NDUFAF3: variants seen among roughly 807,000 people sequenced by gnomAD.
NDUFAF3 encodes NADH dehydrogenase [ubiquinone] 1 alpha subcomplex assembly factor 3.
Under a neutral mutation model 22.6 loss-of-function variants are expected in NDUFAF3, and 21 were observed. The ratio of observed to expected loss-of-function variants is 0.93; its 90% CI spans 0.66 to 1.34. NDUFAF3 has a LOEUF of 1.34. NDUFAF3 is among the 40% of genes most tolerant of loss of function. NDUFAF3 has a pLI of 0.00. For synonymous variants in NDUFAF3, 113 were observed against 104.9 expected (o/e 1.08, Z -0.47); for missense variants, 251 against 248.4 (o/e 1.01, Z -0.07).
chr3:49,021,981 C>A, upstream of NDUFAF3: 2 of 698,586 alleles, frequency 2.9e-6, no homozygotes, highest in South Asian at 1.8e-5. The surrounding 1 kb of genome is among the most constrained non-coding windows in gnomAD (Gnocchi z 4.1). Context: ...TCGGGGAACT[C>A]GGCCTCCTAA....
chr3:49,022,511 G>C lies in NDUFAF3; in HGVS notation c.243G>C (p.Leu81=), dbSNP rs769729199. The change falls in exon 2 of 5, where the codon CTG becomes CTC. Residue 81 remains leucine, a synonymous_variant. Coordinates refer to ENST00000326925, the MANE Select transcript of NDUFAF3 (RefSeq NM_199069.2). This position sits in a 1 kb window ranked among gnomAD's most constrained non-coding sequence, Gnocchi z 6.6. ...ACCGCGTGCTCGGCCCCTGCGCTCT[G>C]CTCCCGCACTCGGTGGTGCAGTGGA... ...NGNRVLGPCA[L]LPHSVVQWNV... is the part of the protein sequence containing the mutation. The C allele has an allele frequency of 1.2e-6, 2 of 1,613,220 alleles. No individual in the cohort carries two copies. The highest frequency in any genetic ancestry group is 1.1e-5 in the South Asian group (1 of 91,072).
chr3:49,022,331 C>T lies in NDUFAF3; in HGVS notation c.78-15C>T, dbSNP rs587781096. 3 of 1,610,700 alleles carry T rather than the reference C, an allele frequency of 1.9e-6. No homozygotes were observed. Among genetic ancestry groups the T allele is most frequent in the Non-Finnish European group, 2.5e-6 (3 of 1,179,698 alleles). ...CCCGGCCCGGCCCCGCGCCCCTGAC[C>T]CTTTCCCTCCGCAGGGCCCCGCGGC... On this transcript the variant is annotated splice_polypyrimidine_tract_variant and intron_variant, in intron 1 of 4. Transcript: ENST00000326925. The surrounding 1 kb of genome is among the most constrained non-coding windows in gnomAD (Gnocchi z 6.6).
chr3:49,022,070 G>A, upstream of NDUFAF3: 1 of 1,488,778 alleles, frequency 6.7e-7, no homozygotes, highest in East Asian at 2.5e-5. The surrounding 1 kb of genome is among the most constrained non-coding windows in gnomAD (Gnocchi z 6.6). Context: ...AGCCACGCTG[G>A]GTCAGGCTCC....
At chr3:49,020,724 G>T (rs551359883), upstream of NDUFAF3, 3 of 476,094 alleles carry the variant, frequency 6.3e-6, no homozygotes, top group East Asian at 6.5e-5. Context: ...CGGGGGGCGG[G>T]GGAGCTCCTG....
At position 49,023,211 on chromosome 3, in the gene NDUFAF3, C is replaced by T; in HGVS notation, c.*39C>T. The T allele has an allele frequency of 2.8e-6, 4 of 1,435,266 alleles. No individual in the cohort carries two copies. Among genetic ancestry groups the T allele is most frequent in the East Asian group, 2.3e-5 (1 of 43,994 alleles). The allele number at this position is 1,435,266 out of a possible 1,614,324, so 88.9% of individuals were successfully genotyped here. A position where few individuals can be genotyped will look rare whatever the true frequency, so the allele number is the denominator to read the frequency against. The stretch of plus-strand genomic sequence containing the variant: ...GACCTGCTGACTGCACTCTGCCAGG[C>T]TTCCCAATGCTTTCACTCTTATCTA... On this transcript the variant is annotated 3_prime_UTR_variant, in exon 5 of 5. Coordinates refer to ENST00000326925, the MANE Select transcript of NDUFAF3 (RefSeq NM_199069.2).
Position 49,022,539 on chromosome 3 carries a change from G to A in NDUFAF3, c.270+1G>A. On this transcript the variant is annotated splice_donor_variant, in intron 2 of 4. Coordinates refer to ENST00000326925, the MANE Select transcript of NDUFAF3 (RefSeq NM_199069.2). LOFTEE classifies it high-confidence loss of function. This position sits in a 1 kb window ranked among gnomAD's most constrained non-coding sequence, Gnocchi z 6.6. The stretch of plus-strand genomic sequence containing the variant: ...CCCGCACTCGGTGGTGCAGTGGAAC[G>A]TGAGTCCTGGCCCGCAGTGTGGAAA... The A allele has an allele frequency of 6.2e-7, 1 of 1,613,318 alleles. No homozygotes were observed. Among genetic ancestry groups the A allele is most frequent in the Non-Finnish European group, 8.5e-7 (1 of 1,179,934 alleles).
Position 49,023,160 on chromosome 3 carries a change from A to G in NDUFAF3, c.543A>G (p.Gln181=). 5 of 1,613,768 alleles carry G rather than the reference A, an allele frequency of 3.1e-6. No homozygotes were observed. The highest frequency in any genetic ancestry group is 1.1e-5 in the South Asian group (1 of 91,070). ...PGGTSLTSLG[Q]AAQ ...GGACTTCACTTACATCTTTGGGCCA[A>G]GCTGCTCAATGAACCGCCAGGAACT... The change falls in exon 5 of 5, where the codon CAA becomes CAG. Residue 181 remains glutamine (Q), a synonymous_variant. Transcript: ENST00000326925.
rs778054978 is a variant in NDUFAF3, at chr3:49,023,147, C to A, written c.530C>A (p.Thr177Lys). 6.2e-7 allele frequency: 1 copy of A among 1,613,964 alleles called. No homozygotes were observed. The highest frequency in any genetic ancestry group is 8.5e-7 in the Non-Finnish European group (1 of 1,180,024). The part of the protein sequence containing the change: ...LIPPPGGTSL[T>K]SLGQAAQ ...CCTCCACCAGGAGGGACTTCACTTA[C>A]ATCTTTGGGCCAAGCTGCTCAATGA... is the stretch of plus-strand genomic sequence containing the variant. Residue 177 changes from threonine to lysine, a missense_variant, in exon 5 of 5, where the codon ACA becomes AAA. Coordinates refer to ENST00000326925, the MANE Select transcript of NDUFAF3 (RefSeq NM_199069.2).
Position 49,022,998 on chromosome 3 carries a change from T to C in NDUFAF3, c.438+22T>C. On this transcript the variant is annotated intron_variant, in intron 4 of 4. Transcript: ENST00000326925. This position sits in a 1 kb window ranked among gnomAD's most constrained non-coding sequence, Gnocchi z 6.6. ...CACGGTGAGTCCCGGGACTGGGGCA[T>C]GCTGCGGGGAGCACAGGCCTGGCGC... The C allele has an allele frequency of 6.2e-7, 1 of 1,614,006 alleles. No individual in the cohort carries two copies. Among genetic ancestry groups the C allele is most frequent in the Non-Finnish European group, 8.5e-7 (1 of 1,179,908 alleles).
At position 49,022,820 on chromosome 3, in the gene NDUFAF3, C is replaced by T. The variant is rs779044442; in HGVS notation, c.337+52C>T. The T allele has an allele frequency of 2.6e-5, 42 of 1,613,080 alleles. No homozygotes were observed. The highest frequency in any genetic ancestry group is 5.9e-6 in the Non-Finnish European group (7 of 1,179,586). On this transcript the variant is annotated intron_variant, in intron 3 of 4. Transcript: ENST00000326925. This position sits in a 1 kb window ranked among gnomAD's most constrained non-coding sequence, Gnocchi z 6.6. ...AGGTGTTCTGGGCCCCAGAAGGCGA[C>T]CCCCACTGCAGCCTCTCAACAGAAC... is the stretch of plus-strand genomic sequence containing the variant.
At position 49,022,753 on chromosome 3, in the gene NDUFAF3, C is replaced by T. The variant is rs1320832796; in HGVS notation, c.322C>T (p.Leu108=). The T allele has an allele frequency of 6.2e-7, 1 of 1,614,072 alleles. No individual in the cohort carries two copies. Among genetic ancestry groups the T allele is most frequent in the Non-Finnish European group, 8.5e-7 (1 of 1,180,038 alleles). Residue 108 remains leucine, a synonymous_variant, in exon 3 of 5, where the codon CTG becomes TTG. Coordinates refer to ENST00000326925, the MANE Select transcript of NDUFAF3 (RefSeq NM_199069.2). The surrounding 1 kb of genome is among the most constrained non-coding windows in gnomAD (Gnocchi z 6.6). ...AGACAGCTTTTCCCTCTTCTGGTTG[C>T]TGGAGCCCCGGATAGGTACTGGGGA... ...TEDSFSLFWL[L]EPRIEIVVVG... is the part of the protein sequence containing the mutation.
At chr3:49,022,018 G>A (rs74601553), upstream of NDUFAF3, 8 of 985,538 alleles carry the variant, frequency 8.1e-6, no homozygotes, top group South Asian at 4.4e-5. This position sits in a 1 kb window ranked among gnomAD's most constrained non-coding sequence, Gnocchi z 6.6. Flanking sequence ...CTGCTGGGCC[G>A]GTCGAGCTGT....
At chr3:49,023,025 A>T (rs750140699) in intron 4 of NDUFAF3, 31 bp from the exon 5 acceptor site, 13 of 1,612,498 alleles carry the variant, frequency 8.1e-6, no homozygotes, top group African/African-American at 1.3e-5. Context: ...GCCTGGCGCT[A>T]GACAGGCTGA....
chr3:49,022,412 T>A lies in NDUFAF3; in HGVS notation c.144T>A (p.Ser48=), dbSNP rs761807072. The change falls in exon 2 of 5, where the codon TCT becomes TCA. Residue 48 remains serine, a synonymous_variant. Transcript: ENST00000326925. The surrounding 1 kb of genome is among the most constrained non-coding windows in gnomAD (Gnocchi z 6.6). Reference sequence around the variant, plus strand: ...AGCTGTATCAGCGGACGCGCATCTCTCTGCTGCAACGCGAGGCCGCTCAGG... The same window carrying A: ...AGCTGTATCAGCGGACGCGCATCTCACTGCTGCAACGCGAGGCCGCTCAGG... ...DDELYQRTRI[S]LLQREAAQAM... 1.1e-5 allele frequency: 17 copies of A among 1,612,812 alleles called. No homozygotes were observed. Among genetic ancestry groups the A allele is most frequent in the East Asian group, 4.5e-5 (2 of 44,864 alleles).
In NDUFAF3 at chr3:49,022,837, C is replaced by A; in HGVS notation, c.338-39C>A. ...GAAGGCGACCCCCACTGCAGCCTCT[C>A]AACAGAACTGTAGACTAGCCACACC... On this transcript the variant is annotated intron_variant, in intron 3 of 4. Transcript: ENST00000326925. The surrounding 1 kb of genome is among the most constrained non-coding windows in gnomAD (Gnocchi z 6.6). 6.2e-7 allele frequency: 1 copy of A among 1,613,464 alleles called. No homozygotes were observed. Among genetic ancestry groups the A allele is most frequent in the South Asian group, 1.1e-5 (1 of 91,068 alleles).
upstream of NDUFAF3, chr3:49,020,987 C>T (rs1392150824): frequency 1.2e-5 from 2 of 168,076 alleles, no homozygotes; most frequent in South Asian, 1.0e-4. Context: ...GTGGGGCGGG[C>T]TTCGGAATCC....
rs763854713 is a variant in NDUFAF3 at position 49,022,399 on chromosome 3, G to A, written c.131G>A (p.Arg44Gln). 1 of 1,612,890 alleles carries A rather than the reference G, an allele frequency of 6.2e-7. No homozygotes were observed. Residue 44 changes from arginine (R) to glutamine (Q), a missense_variant, in exon 2 of 5, where the codon CGG (arginine) becomes CAG (glutamine). Transcript: ENST00000326925. This position sits in a 1 kb window ranked among gnomAD's most constrained non-coding sequence, Gnocchi z 6.6. ...CCGGCGGATGACGAGCTGTATCAGC[G>A]GACGCGCATCTCTCTGCTGCAACGC... The part of the protein sequence containing the change: ...LSPADDELYQ[R>Q]TRISLLQREA...
Position 49,023,206 on chromosome 3 carries a change from C to A in NDUFAF3, c.*34C>A. 1 of 1,489,900 alleles carries A rather than the reference C, an allele frequency of 6.7e-7. No individual in the cohort carries two copies. Among genetic ancestry groups the A allele is most frequent in the Non-Finnish European group, 9.4e-7 (1 of 1,067,724 alleles). 92.3% of individuals were successfully genotyped at this position (1,489,900 alleles called of 1,614,324 possible). A position where few individuals can be genotyped will look rare whatever the true frequency, so the allele number is the denominator to read the frequency against. ...GAACTGACCTGCTGACTGCACTCTG[C>A]CAGGCTTCCCAATGCTTTCACTCTT... On this transcript the variant is annotated 3_prime_UTR_variant, in exon 5 of 5. Transcript: ENST00000326925.
At position 49,022,633 on chromosome 3, in the gene NDUFAF3, C is replaced by G; in HGVS notation, c.271-69C>G. 1 of 1,613,110 alleles carries G rather than the reference C, an allele frequency of 6.2e-7. No homozygotes were observed. Among genetic ancestry groups the G allele is most frequent in the South Asian group, 1.1e-5 (1 of 91,044 alleles). On this transcript the variant is annotated intron_variant, in intron 2 of 4. Transcript: ENST00000326925. This position sits in a 1 kb window ranked among gnomAD's most constrained non-coding sequence, Gnocchi z 6.6. ...AAACTTGGCTTTCCTCTGTCTCCTC[C>G]TGCAGTGGATGGAGATGGGGAGAGG...
Sources: gnomAD v4.1 joint callset for allele counts on GRCh38, gnomAD v4.1.1 for gene constraint, Gnocchi (gnomAD v3.1) non-coding constraint, MANE v1.5 for transcripts, NCBI Gene and HGNC (gene_info 2026-07-23, HGNC 2026-07-21) for gene names.